CCDC91: variants seen among roughly 807,000 people sequenced by gnomAD.
CCDC91 encodes coiled-coil domain containing 91, also known as coiled-coil domain-containing protein 91.
In CCDC91, 48 loss-of-function variants were observed where a neutral mutation model predicts 63.2. The ratio of observed to expected loss-of-function variants is 0.76; its 90% CI spans 0.60 to 0.97. CCDC91 has a LOEUF of 0.97. Among genes scored for constraint, CCDC91 ranks in the 50% least tolerant of loss-of-function variants. The pLI is 0.00. For missense variants in CCDC91, 500 were observed against 494.6 expected, an observed-to-expected ratio of 1.01 and a Z score of -0.10; for synonymous variants, 167 against 165.8, an observed-to-expected ratio of 1.01 and a Z score of -0.06.
intron 1 of CCDC91, among the ~76,000 whole-genome samples, chr12:28,211,974 C>T (rs1943264302): frequency 6.6e-6 from 1 of 152,164 alleles, no homozygotes; most frequent in Non-Finnish European, 1.5e-5. Context: ...TGGACCCAGT[C>T]CAGTTTCTGT....
chr12:28,449,696 A>T (rs1029753213), intron 8 of CCDC91, among the ~76,000 whole-genome samples: 1 of 152,022 alleles, frequency 6.6e-6, no homozygotes, highest in African/African-American at 2.4e-5. Flanking sequence ...AACAATTAAT[A>T]AATCTTTCAA....
chr12:28,330,599 C>T (rs1232878077), intron 6 of CCDC91, among the ~76,000 whole-genome samples: 2 of 152,016 alleles, frequency 1.3e-5, no homozygotes, highest in African/African-American at 4.8e-5. Flanking sequence ...TTTTGCCGTG[C>T]AGAAGCTCTT....
intron 2 of CCDC91, among the ~76,000 whole-genome samples, chr12:28,257,813 A>G (rs1298084468): frequency 6.6e-6 from 1 of 152,008 alleles, no homozygotes; most frequent in African/African-American, 2.4e-5. Flanking sequence ...TTTTATTGAA[A>G]TATTTTATAA....
chr12:28,543,605 C>A (rs1289165201), intron 12 of CCDC91, among the ~76,000 whole-genome samples: 1 of 151,958 alleles, frequency 6.6e-6, no homozygotes, highest in East Asian at 1.9e-4. Context: ...TCTCTTTTAT[C>A]CACTTTCATT....
chr12:28,417,291 T>G (rs1340814217), intron 8 of CCDC91, among the ~76,000 whole-genome samples: 1 of 152,092 alleles, frequency 6.6e-6, no homozygotes. Flanking sequence ...CATTTGTCAT[T>G]TTGAAAGTAC....
chr12:28,499,650 C>T (rs1428537873), intron 12 of CCDC91, among the ~76,000 whole-genome samples: 6 of 152,106 alleles, frequency 3.9e-5, no homozygotes, highest in Admixed American at 1.3e-4. Context: ...CAGCTTCATC[C>T]ATGTCCCTGC....
chr12:28,455,988 A>G (rs1414181609), intron 11 of CCDC91, among the ~76,000 whole-genome samples: 1 of 152,118 alleles, frequency 6.6e-6, no homozygotes, highest in Non-Finnish European at 1.5e-5. Flanking sequence ...TTAACTCCTG[A>G]GGCCTTGTAT....
At chr12:28,369,481 C>G (rs1298763103) in intron 7 of CCDC91, among the ~76,000 whole-genome samples, 1 of 152,214 alleles carries the variant, frequency 6.6e-6, no homozygotes, top group African/African-American at 2.4e-5. Flanking sequence ...GCTGCTTCCA[C>G]AGGCTGGCAT....
chr12:28,324,126 A>G (rs1230943710), intron 6 of CCDC91, among the ~76,000 whole-genome samples: 1 of 151,876 alleles, frequency 6.6e-6, no homozygotes, highest in Non-Finnish European at 1.5e-5. Flanking sequence ...TAAAGTAAAG[A>G]AATACAAATA....
intron 3 of CCDC91, among the ~76,000 whole-genome samples, chr12:28,267,174 T>C (rs1383008919): frequency 6.6e-6 from 1 of 151,856 alleles, no homozygotes; most frequent in Non-Finnish European, 1.5e-5. Context: ...TCTGATGCTA[T>C]AGTTTTATAA....
chr12:28,254,288 A>G (rs1481826162), intron 1 of CCDC91, among the ~76,000 whole-genome samples: 1 of 152,180 alleles, frequency 6.6e-6, no homozygotes, highest in Non-Finnish European at 1.5e-5. Context: ...GCCATTACAC[A>G]AAAGAATGAA....
intron 1 of CCDC91, chr12:28,255,909 A>G (rs1271820008): frequency 4.6e-5 from 7 of 152,126 alleles, no homozygotes; most frequent in Non-Finnish European, 1.5e-5. Flanking sequence ...AAGCACAGAT[A>G]TAGATGACTA....
chr12:28,490,429 T>G (rs1951939331), intron 12 of CCDC91, among the ~76,000 whole-genome samples: 1 of 151,934 alleles, frequency 6.6e-6, no homozygotes, highest in African/African-American at 2.4e-5. Context: ...TAAGCTATAT[T>G]GTAATTTAAA....
At chr12:28,412,756 T>C (rs1247790972) in intron 8 of CCDC91, 1 of 453,726 alleles carries the variant, frequency 2.2e-6, no homozygotes, top group Non-Finnish European at 4.4e-6. Flanking sequence ...CCTTTCAGAG[T>C]GCCCTTTTTT....
At chr12:28,283,245 A>C (rs1948714014) in intron 3 of CCDC91, among the ~76,000 whole-genome samples, 2 of 151,416 alleles carry the variant, frequency 1.3e-5, no homozygotes, top group Admixed American at 6.6e-5. Flanking sequence ...AGTTCTGTGA[A>C]AAATGATGTT....
intron 3 of CCDC91, among the ~76,000 whole-genome samples, chr12:28,296,722 T>G (rs1291306065): frequency 6.6e-6 from 1 of 151,982 alleles, no homozygotes; most frequent in African/African-American, 2.4e-5. Flanking sequence ...AAACACTGAC[T>G]TTCACCATTT....
chr12:28,286,837 A>G (rs1253603621), intron 3 of CCDC91, among the ~76,000 whole-genome samples: 2 of 152,208 alleles, frequency 1.3e-5, no homozygotes, highest in African/African-American at 4.8e-5. Flanking sequence ...CCAACAGTGT[A>G]TAAGTGTTTC....
Position 28,450,266 on chromosome 12 carries a change from C to A in CCDC91, c.855+13C>A. Reference sequence around the variant, plus strand: ...TCAAGAACAGAAGGTAATACTTTAACTGTGCTCAGAGTGTAGAAAGAATGT... The same window carrying A: ...TCAAGAACAGAAGGTAATACTTTAAATGTGCTCAGAGTGTAGAAAGAATGT... On this transcript the variant is annotated intron_variant, in intron 9 of 12. Coordinates refer to ENST00000536442, the MANE Select transcript of CCDC91 (RefSeq NM_018318.5). 6.3e-7 allele frequency: 1 copy of A among 1,589,196 alleles called. No individual in the cohort carries two copies.
At chr12:28,330,371 G>T (rs1336418738) in intron 6 of CCDC91, among the ~76,000 whole-genome samples, 1 of 151,998 alleles carries the variant, frequency 6.6e-6, no homozygotes, top group African/African-American at 2.4e-5. Flanking sequence ...GACCAGTAAT[G>T]ATGGGCATTT....
Sources: gnomAD v4.1 joint callset for allele counts (sites outside exome capture counted in the v4.1 genomes callset) on GRCh38, gnomAD v4.1.1 for gene constraint, MANE v1.5 for transcripts, NCBI Gene and HGNC (gene_info 2026-07-23, HGNC 2026-07-21) for gene names.